The following SEMA5B variants were observed in gnomAD, a reference collection of about 807,000 sequenced individuals.
SEMA5B encodes the protein semaphorin 5B.
A neutral mutation model predicts 135.0 loss-of-function variants in SEMA5B; 66 were observed. The observed-to-expected ratio is 0.49, with a 90% CI of 0.40 to 0.60. The LOEUF is 0.60. Ranked by LOEUF, SEMA5B falls within the 20% of genes least tolerant of loss-of-function variation. SEMA5B has a pLI of 0.00. For synonymous variants in SEMA5B, 690 were observed against 639.5 expected, an observed-to-expected ratio of 1.08 and a Z score of -1.19; for missense variants, 1,501 against 1,566.3, an observed-to-expected ratio of 0.96 and a Z score of 0.70.
At position 122,984,017 on chromosome 3, in the gene SEMA5B, C is replaced by T. The variant is rs1049754344; in HGVS notation, c.-38-22716G>A. On this transcript the variant is annotated intron_variant, in intron 1 of 22. Coordinates refer to ENST00000357599, the MANE Select transcript of SEMA5B (RefSeq NM_001031702.4). Reference sequence around the variant, plus strand: ...CTCTTAGGAAATTCATCATACGCTTCATCATTGGTCCTACGTGCAGAGGAG... The same window carrying T: ...CTCTTAGGAAATTCATCATACGCTTTATCATTGGTCCTACGTGCAGAGGAG... Among the ~76,000 whole-genome samples the T allele has an allele frequency of 7.2e-5, 11 of 152,320 alleles. No individual in the cohort carries two copies. The South Asian group carries it at 2.1e-3, about 29-fold the overall frequency.
At chr3:122,931,014 G>A (rs1560315639) in intron 5 of SEMA5B, among the ~76,000 whole-genome samples, 1 of 143,826 alleles carries the variant, frequency 7.0e-6, no homozygotes, top group Admixed American at 7.0e-5. Flanking sequence ...GAACAGCACA[G>A]AATGGCTTTT....
intron 5 of SEMA5B, among the ~76,000 whole-genome samples, chr3:122,936,466 A>G (rs1425273469): frequency 6.6e-6 from 1 of 152,214 alleles, no homozygotes; most frequent in Non-Finnish European, 1.5e-5. Context: ...ATGTCTGCCC[A>G]GGCCCGAACA....
chr3:122,926,813 G>A lies in SEMA5B; in HGVS notation c.851-136C>T, dbSNP rs1416188825. 3 of 974,738 alleles carry A rather than the reference G, an allele frequency of 3.1e-6. No individual in the cohort carries two copies. The East Asian group carries it at 7.8e-5, about 25-fold the overall frequency. 60.4% of individuals were successfully genotyped at this position (974,738 alleles called of 1,614,324 possible). A position where few individuals can be genotyped will look rare whatever the true frequency, so the allele number is the denominator to read the frequency against. On this transcript the variant is annotated intron_variant, in intron 8 of 22. Coordinates refer to ENST00000357599, the MANE Select transcript of SEMA5B (RefSeq NM_001031702.4). ...TTCTCTCTGCAATCTTGGTGACCTG[G>A]GGGCCCTAACTAACTCTCTTCCCAC...
Position 122,912,079 on chromosome 3 carries a change from G to A in SEMA5B, c.2897-10C>T. On this transcript the variant is annotated splice_polypyrimidine_tract_variant and intron_variant, in intron 19 of 22. Coordinates refer to ENST00000357599, the MANE Select transcript of SEMA5B (RefSeq NM_001031702.4). ...CAGGGCGACCAGCCTTCTGGGGATT[G>A]TGGGTAGGATGAGGTTAACTGCCCA... 3 of 1,606,834 alleles carry A rather than the reference G, an allele frequency of 1.9e-6. No homozygotes were observed. Among genetic ancestry groups the A allele is most frequent in the Non-Finnish European group, 2.6e-6 (3 of 1,174,534 alleles).
intron 5 of SEMA5B, among the ~76,000 whole-genome samples, chr3:122,934,295 A>G (rs1308400937): frequency 6.6e-6 from 1 of 151,464 alleles, no homozygotes; most frequent in Non-Finnish European, 1.5e-5. Context: ...ATCACTGATT[A>G]CTAACATCAA....
At chr3:122,999,066 G>A (rs543305777) in intron 1 of SEMA5B, among the ~76,000 whole-genome samples, 4 of 152,052 alleles carry the variant, frequency 2.6e-5, no homozygotes, top group South Asian at 2.1e-4. Context: ...AAACCCAGGC[G>A]GTCAAGTTCC....
intron 9 of SEMA5B, among the ~76,000 whole-genome samples, chr3:122,925,378 A>G (rs1277171981): frequency 6.6e-6 from 1 of 152,020 alleles, no homozygotes; most frequent in East Asian, 1.9e-4. Context: ...GAAAAAAAAA[A>G]ATATTGCCAG....
At chr3:122,920,143 G>A (rs931240467) in intron 12 of SEMA5B, among the ~76,000 whole-genome samples, 4 of 152,182 alleles carry the variant, frequency 2.6e-5, no homozygotes, top group Admixed American at 6.5e-5. Flanking sequence ...CACTGCTCTA[G>A]GACCACTCCA....
intron 9 of SEMA5B, 51 bp downstream of exon 9, chr3:122,926,341 A>G (rs1403199704): frequency 1.3e-6 from 2 of 1,547,136 alleles, no homozygotes; most frequent in Non-Finnish European, 1.8e-6. Context: ...CCATGAGGCC[A>G]GGCCAGCTCC....
intron 4 of SEMA5B, among the ~76,000 whole-genome samples, chr3:122,941,484 AC>A (rs1396279919): frequency 6.6e-6 from 1 of 152,178 alleles, no homozygotes; most frequent in Non-Finnish European, 1.5e-5. Context: ...GGTACATAGA[AC>A]CCACTTCCTG....
At chr3:122,943,246 AC>A (rs1020708615) in intron 4 of SEMA5B, among the ~76,000 whole-genome samples, 189 bp downstream of exon 4, 8 of 151,708 alleles carry the variant, frequency 5.3e-5, no homozygotes, top group Non-Finnish European at 7.4e-5. Context: ...GTCAAGAGTC[AC>A]CCCCACCCCC....
chr3:122,920,804 G>C (rs977822983), intron 12 of SEMA5B, among the ~76,000 whole-genome samples: 1 of 152,162 alleles, frequency 6.6e-6, no homozygotes, highest in South Asian at 2.1e-4. Context: ...ATAGGCCAAG[G>C]TTCTCTTCCC....
At chr3:122,999,144 A>G (rs1306025998) in intron 1 of SEMA5B, among the ~76,000 whole-genome samples, 2 of 152,174 alleles carry the variant, frequency 1.3e-5, no homozygotes, top group Non-Finnish European at 2.9e-5. Flanking sequence ...CTCACCTTCT[A>G]TCATCTTTCA....
intron 1 of SEMA5B, among the ~76,000 whole-genome samples, chr3:123,013,994 G>A (rs768674163): frequency 1.3e-5 from 2 of 152,252 alleles, no homozygotes; most frequent in African/African-American, 2.4e-5. Flanking sequence ...GGGCCAAGCC[G>A]GAGGCTGGTG....
At chr3:123,020,260 G>A (rs891630807) in intron 1 of SEMA5B, among the ~76,000 whole-genome samples, 1 of 152,164 alleles carries the variant, frequency 6.6e-6, no homozygotes, top group Non-Finnish European at 1.5e-5. Flanking sequence ...CCATTATAAA[G>A]CCCATCTTAG....
chr3:123,019,967 A>G (rs544218252), intron 1 of SEMA5B, among the ~76,000 whole-genome samples: 53 of 152,328 alleles, frequency 3.5e-4, no homozygotes, highest in African/African-American at 1.2e-3. Flanking sequence ...CTCAGAGGAG[A>G]GCAGTGAAAA....
At chr3:122,976,357 A>C (rs906893180) in intron 1 of SEMA5B, among the ~76,000 whole-genome samples, 2 of 151,896 alleles carry the variant, frequency 1.3e-5, no homozygotes, top group African/African-American at 4.8e-5. Flanking sequence ...TCAGTTGGGG[A>C]ACCACTGATG....
intron 1 of SEMA5B, among the ~76,000 whole-genome samples, chr3:122,974,770 T>C (rs1235470840): frequency 6.6e-6 from 1 of 152,192 alleles, no homozygotes; most frequent in African/African-American, 2.4e-5. Context: ...ACAAAACCCT[T>C]CCAGTGCTTA....
chr3:122,928,539 G>T lies in SEMA5B; in HGVS notation c.614C>A (p.Ser205Tyr). The T allele has an allele frequency of 6.4e-7, 1 of 1,564,184 alleles. No homozygotes were observed. The highest frequency in any genetic ancestry group is 2.4e-5 in the East Asian group (1 of 42,268). The stretch of plus-strand genomic sequence containing the variant: ...CACCTGTCTGCTGGTGCACATGGGG[G>T]AAAAGGCATTGGTTCCACACATGAA... ...KVFMCGTNAF[S>Y]PMCTSRQVGN... The change falls in exon 7 of 23, where the codon TCC becomes TAC. Residue 205 changes from serine (S) to tyrosine (Y), a missense_variant. Ser to Tyr is a moderately radical substitution (Grantham distance 144). Around this residue, in one of 2 missense-constraint regions of SEMA5B, gnomAD observed 574 missense variants for 684.7 expected, o/e 0.84. Coordinates refer to ENST00000357599, the MANE Select transcript of SEMA5B (RefSeq NM_001031702.4).
Sources: allele counts gnomAD v4.1 joint callset (sites outside exome capture counted in the v4.1 genomes callset), GRCh38; gene constraint gnomAD v4.1.1; regional missense constraint gnomAD v4.1.1; transcripts MANE v1.5; gene names NCBI Gene and HGNC (gene_info 2026-07-23, HGNC 2026-07-21).